CAPZA1: variants seen among roughly 807,000 people sequenced by gnomAD.
The protein encoded by CAPZA1 is F-actin-capping protein subunit alpha-1.
Under a neutral mutation model 40.8 loss-of-function variants are expected in CAPZA1, and 10 were observed. The observed-to-expected ratio is 0.25, with a 90% CI of 0.15 to 0.42. The LOEUF (loss-of-function observed/expected upper bound fraction) is 0.42. CAPZA1 is among the 10% of genes least tolerant of loss of function. The pLI is 1.00. For synonymous variants in CAPZA1, 98 were observed against 115.0 expected (o/e 0.85, Z 0.95); for missense variants, 277 against 353.8 (o/e 0.78, Z 1.74).
At chr1:112,642,368 C>T (rs750046585) in intron 1 of CAPZA1, among the ~76,000 whole-genome samples, 1 of 151,720 alleles carries the variant, frequency 6.6e-6, no homozygotes, top group Non-Finnish European at 1.5e-5. Flanking sequence ...TGCCTGCCAC[C>T]GTGCCTGGCT....
In CAPZA1 at chr1:112,668,854, A is replaced by G. The variant is rs561869057; in HGVS notation, c.658-689A>G. 1.7e-4 allele frequency among the ~76,000 whole-genome samples: 26 copies of G among 152,316 alleles called. No individual in the cohort carries two copies. In the South Asian group the frequency reaches 5.0e-3, roughly 29 times the overall value. On this transcript the variant is annotated intron_variant, in intron 8 of 9. Coordinates refer to ENST00000263168, the MANE Select transcript of CAPZA1 (RefSeq NM_006135.3). ...TGTAGTTTCTAGGAAATTACATCAT[A>G]CACACATTACAGAGTGAAAGTGAAA...
intron 8 of CAPZA1, among the ~76,000 whole-genome samples, chr1:112,667,737 G>A (rs1265762065): frequency 6.6e-6 from 1 of 151,866 alleles, no homozygotes; most frequent in Non-Finnish European, 1.5e-5. Flanking sequence ...TTTCTATGTT[G>A]CTGAGGCTGG....
intron 1 of CAPZA1, among the ~76,000 whole-genome samples, chr1:112,642,012 C>T (rs1178551860): frequency 6.7e-6 from 1 of 150,288 alleles, no homozygotes; most frequent in Non-Finnish European, 1.5e-5. Context: ...CAAAATAGAA[C>T]AGGAATTAGT....
rs138990337 is a variant in CAPZA1 at position 112,636,508 on chromosome 1, A to C, written c.40-10702A>C. 2.8e-3 allele frequency among the ~76,000 whole-genome samples: 423 copies of C among 152,332 alleles called. 2 individuals carry two copies. The highest frequency in any genetic ancestry group is 3.7e-3 in the Non-Finnish European group (254 of 68,026). The stretch of plus-strand genomic sequence containing the variant: ...AGAGGAAATTATGTAAAAGCCTCGG[A>C]TAGTCTCCCTTTAAAATATTCAAGG... On this transcript the variant is annotated intron_variant, in intron 1 of 9. Coordinates refer to ENST00000263168, the MANE Select transcript of CAPZA1 (RefSeq NM_006135.3).
At chr1:112,625,959 C>G (rs1055316498) in intron 1 of CAPZA1, 5 of 152,588 alleles carry the variant, frequency 3.3e-5, no homozygotes, top group Non-Finnish European at 2.9e-5. Flanking sequence ...GTGAGCATTT[C>G]CAGAGTGGTG....
intron 8 of CAPZA1, 98 bp downstream of exon 8, chr1:112,667,243 A>C (rs543227155): frequency 1.2e-6 from 1 of 851,164 alleles, no homozygotes; most frequent in East Asian, 2.6e-5. Context: ...GTAGAAATTC[A>C]GTTTGCTTTT....
rs58051216 is a variant in CAPZA1, at chr1:112,670,362, C to CTTTTTTTTTTTT, written c.*238_*249dup. 3.6e-3 allele frequency: 541 copies of CTTTTTTTTTTTT among 149,898 alleles called. 4 individuals carry two copies. The highest frequency in any genetic ancestry group is 4.8e-3 in the Non-Finnish European group (399 of 82,816). The allele number at this position is 149,898 out of a possible 1,614,324, so 9.3% of individuals were successfully genotyped here. On this transcript the variant is annotated 3_prime_UTR_variant, in exon 10 of 10. Transcript: ENST00000263168. The stretch of plus-strand genomic sequence containing the variant: ...TATATCTACGTGTAAATCTTTTTTT[C>CTTTTTTTTTTTT]TTTTTTTTTTTTTTTTTTTGGTTAA...
intron 2 of CAPZA1, among the ~76,000 whole-genome samples, chr1:112,648,682 G>A (rs184859867): frequency 6.6e-6 from 1 of 151,522 alleles, no homozygotes; most frequent in African/African-American, 2.4e-5. Flanking sequence ...TAACTAACAG[G>A]CCAGGCGTGG....
Position 112,649,413 on chromosome 1 carries a change from C to G in CAPZA1, c.104-5C>G. 1 of 1,610,706 alleles carries G rather than the reference C, an allele frequency of 6.2e-7. No homozygotes were observed. Among genetic ancestry groups the G allele is most frequent in the Non-Finnish European group, 8.5e-7 (1 of 1,177,448 alleles). ...ACTGAACATTGTAACATTTTTCCTC[C>G]TCAGACGTTCGGCTACTACTTAATA... On this transcript the variant is annotated splice_region_variant and splice_polypyrimidine_tract_variant and intron_variant, in intron 2 of 9. Transcript: ENST00000263168.
intron 1 of CAPZA1, among the ~76,000 whole-genome samples, chr1:112,631,038 A>C (rs543872728): frequency 6.6e-6 from 1 of 152,334 alleles, no homozygotes; most frequent in African/African-American, 2.4e-5. Flanking sequence ...CCAGACTAGT[A>C]CATCAGAATT....
intron 3 of CAPZA1, among the ~76,000 whole-genome samples, chr1:112,650,857 G>A (rs1341864863): frequency 1.3e-5 from 2 of 152,208 alleles, no homozygotes; most frequent in African/African-American, 4.8e-5. Context: ...AAGTTGGTAT[G>A]TAGTTCAGAT....
Position 112,645,160 on chromosome 1 carries a change from C to T in CAPZA1, c.40-2050C>T, listed in dbSNP as rs144646061. On this transcript the variant is annotated intron_variant, in intron 1 of 9. Transcript: ENST00000263168. ...ACCCTGATGAGCAGAAGCAAATCTA[C>T]TCTTTCCCTCCCCTGTAGTCACTAG... 2.7e-3 allele frequency among the ~76,000 whole-genome samples: 405 copies of T among 152,318 alleles called. 3 individuals are homozygous for T. Among genetic ancestry groups the T allele is most frequent in the African/African-American group, 9.2e-3 (384 of 41,556 alleles).
At chr1:112,656,168 C>T (rs943439515) in intron 5 of CAPZA1, among the ~76,000 whole-genome samples, 35 of 152,202 alleles carry the variant, frequency 2.3e-4, no homozygotes, top group African/African-American at 7.2e-4. Flanking sequence ...GTCTAGAATA[C>T]AGTTAAGAGC....
intron 1 of CAPZA1, among the ~76,000 whole-genome samples, chr1:112,638,640 T>C (rs140572092): frequency 2.9e-4 from 44 of 151,754 alleles, no homozygotes; most frequent in Non-Finnish European, 5.4e-4. Context: ...ATAGTGAGTA[T>C]GTAAATATAT....
At chr1:112,629,813 G>T (rs1446124305) in intron 1 of CAPZA1, among the ~76,000 whole-genome samples, 1 of 152,164 alleles carries the variant, frequency 6.6e-6, no homozygotes, top group Non-Finnish European at 1.5e-5. Flanking sequence ...AAACAAGAGA[G>T]TGTTTTCCCA....
chr1:112,640,374 C>G (rs1340677345), intron 1 of CAPZA1, among the ~76,000 whole-genome samples: 1 of 120,008 alleles, frequency 8.3e-6, no homozygotes, highest in Non-Finnish European at 1.7e-5. Flanking sequence ...GGGGGTGAGC[C>G]CCCCACCCGG....
At chr1:112,661,721 C>CAG (rs1419777253) in intron 7 of CAPZA1, among the ~76,000 whole-genome samples, 9 of 152,160 alleles carry the variant, frequency 5.9e-5, no homozygotes. Context: ...TAGATGGAAA[C>CAG]AGCCATTTGT....
chr1:112,629,807 AAG>A (rs1670885958), intron 1 of CAPZA1, among the ~76,000 whole-genome samples: 1 of 152,192 alleles, frequency 6.6e-6, no homozygotes, highest in Admixed American at 6.5e-5. Flanking sequence ...TCTACCAAAC[AAG>A]AGAGTGTTTT....
intron 8 of CAPZA1, among the ~76,000 whole-genome samples, chr1:112,669,132 G>T (rs1671780807): frequency 6.6e-6 from 1 of 152,192 alleles, no homozygotes; most frequent in Non-Finnish European, 1.5e-5. Context: ...TATGACTGAT[G>T]TGTCCAAGGG....
Sources: gnomAD v4.1 joint callset for allele counts (sites outside exome capture counted in the v4.1 genomes callset) on GRCh38, gnomAD v4.1.1 for gene constraint, MANE v1.5 for transcripts, NCBI Gene and HGNC (gene_info 2026-07-23, HGNC 2026-07-21) for gene names.